The following SYNC variants were observed in gnomAD, a reference collection of about 807,000 sequenced individuals.
SYNC encodes syncoilin, intermediate filament protein.
SYNC carries 38 observed loss-of-function variants against 49.5 expected under a neutral mutation model. The ratio of observed to expected loss-of-function variants is 0.77; its 90% CI spans 0.59 to 1.01. The LOEUF is 1.01. Ranked by LOEUF, SYNC falls within the 50% of genes least tolerant of loss-of-function variation. The probability of loss-of-function intolerance (pLI) is 0.00; values close to 1 mark genes in which losing one functional copy is unlikely to be tolerated. For missense variants in SYNC, 579 were observed against 580.6 expected (o/e 1.00, Z 0.03); for synonymous variants, 201 against 230.8 (o/e 0.87, Z 1.17).
intron 2 of SYNC, among the ~76,000 whole-genome samples, chr1:32,690,450 A>G (rs544619418): frequency 6.7e-6 from 1 of 149,850 alleles, no homozygotes; most frequent in African/African-American, 2.5e-5. Flanking sequence ...TTGGAGACCA[A>G]CCTGGCCAAG....
At chr1:32,696,606 C>T (rs558254375) in intron 1 of SYNC, among the ~76,000 whole-genome samples, 7 of 152,084 alleles carry the variant, frequency 4.6e-5, no homozygotes, top group African/African-American at 7.2e-5. Flanking sequence ...CATACCACCA[C>T]GCCCGGCTAA....
chr1:32,690,648 GAAAAAA>G (rs900204039), intron 2 of SYNC, among the ~76,000 whole-genome samples: 2 of 96,318 alleles, frequency 2.1e-5, no homozygotes, highest in African/African-American at 3.9e-5. Context: ...CATCTCCAAA[GAAAAAA>G]AAAAAAAAAA....
chr1:32,700,221 G>T (rs1294059100), intron 1 of SYNC, among the ~76,000 whole-genome samples: 1 of 152,210 alleles, frequency 6.6e-6, no homozygotes, highest in Non-Finnish European at 1.5e-5. Flanking sequence ...AGCTCCTAGA[G>T]CCAGGGCCAG....
chr1:32,696,002 A>G lies in SYNC; in HGVS notation c.96T>C (p.Ser32=). ...VEANSPLPKN[S]GSLNEAEALN... is the part of the protein sequence containing the mutation. ...AGGCTTCTGCCTCATTTAGGGATCC[A>G]GAGTTCTTTGGAAGAGGAGAATTGG... The change falls in exon 2 of 5, where the codon TCT becomes TCC. Residue 32 remains serine (S), a synonymous_variant. Coordinates refer to ENST00000409190, the MANE Select transcript of SYNC (RefSeq NM_030786.3). 6.5e-7 allele frequency: 1 copy of G among 1,539,928 alleles called. No individual in the cohort carries two copies. The highest frequency in any genetic ancestry group is 1.4e-5 in the African/African-American group (1 of 73,166).
rs1649371538 is a variant in SYNC at position 32,680,541 on chromosome 1, C to A, written c.*1309G>T. ...TTTTTTTTAGGAGTTAGTCCTTGAC[C>A]ACTAGTTTGATGCCATCTCCATTTT... On this transcript the variant is annotated 3_prime_UTR_variant, in exon 5 of 5. Coordinates refer to ENST00000409190, the MANE Select transcript of SYNC (RefSeq NM_030786.3). The A allele has an allele frequency of 1.3e-6, 2 of 1,543,856 alleles. No individual in the cohort carries two copies. Among genetic ancestry groups the A allele is most frequent in the Middle Eastern group, 1.7e-4 (1 of 6,006 alleles).
At chr1:32,688,024 G>A (rs1190701323) in intron 2 of SYNC, among the ~76,000 whole-genome samples, 1 of 151,514 alleles carries the variant, frequency 6.6e-6, no homozygotes, top group African/African-American at 2.4e-5. Context: ...TAGTAGAGAC[G>A]GGGTTTCACC....
chr1:32,684,093 T>G lies in SYNC; in HGVS notation c.1359-4A>C. On this transcript the variant is annotated splice_polypyrimidine_tract_variant and splice_region_variant and intron_variant, in intron 3 of 4. Coordinates refer to ENST00000409190, the MANE Select transcript of SYNC (RefSeq NM_030786.3). Reference sequence around the variant, plus strand: ...GCTCTTGGGTAGTAGCATAGCCCTTTAAAAAGAGAGAGCCATTTTCCATGT... The same window carrying G: ...GCTCTTGGGTAGTAGCATAGCCCTTGAAAAAGAGAGAGCCATTTTCCATGT... The G allele has an allele frequency of 6.2e-7, 1 of 1,609,448 alleles. No homozygotes were observed.
At position 32,681,716 on chromosome 1, in the gene SYNC, C is replaced by T; in HGVS notation, c.*134G>A. On this transcript the variant is annotated 3_prime_UTR_variant, in exon 5 of 5. Coordinates refer to ENST00000409190, the MANE Select transcript of SYNC (RefSeq NM_030786.3). The stretch of plus-strand genomic sequence containing the variant: ...TAAGCAGGTCAGCCAGTATTTGCAA[C>T]TTCCACAGGATGAATTGCTTGCCAA... 2 of 1,464,064 alleles carry T rather than the reference C, an allele frequency of 1.4e-6. No individual in the cohort carries two copies. Among genetic ancestry groups the T allele is most frequent in the Non-Finnish European group, 1.9e-6 (2 of 1,052,740 alleles). 90.7% of individuals were successfully genotyped at this position (1,464,064 alleles called of 1,614,324 possible).
At chr1:32,682,134 T>A in intron 4 of SYNC, 1 of 439,768 alleles carries the variant, frequency 2.3e-6, no homozygotes, top group Non-Finnish European at 4.1e-6. Flanking sequence ...TTAGTCGTTG[T>A]CTTTTCCAGA....
At chr1:32,691,284 A>G (rs1313679201) in intron 2 of SYNC, among the ~76,000 whole-genome samples, 1 of 150,978 alleles carries the variant, frequency 6.6e-6, no homozygotes, top group East Asian at 2.0e-4. Context: ...AGTCCCAGCT[A>G]CTCGGGAGGC....
At chr1:32,688,740 G>A (rs1045274333) in intron 2 of SYNC, among the ~76,000 whole-genome samples, 3 of 151,836 alleles carry the variant, frequency 2.0e-5, no homozygotes, top group East Asian at 1.9e-4. Context: ...GCACCACCAC[G>A]CCCGGCTAAT....
chr1:32,695,769 T>C lies in SYNC; in HGVS notation c.329A>G (p.Glu110Gly), dbSNP rs1303835370. ...TATCCGATCTGGCTCCGTGGTTTCCTCCACACACACTGTCTCCTCTGGATT... is the reference window on the plus strand; with the variant it reads ...TATCCGATCTGGCTCCGTGGTTTCCCCCACACACACTGTCTCCTCTGGATT... The part of the protein sequence containing the change: ...PGNPEETVCV[E>G]ETTEPDRIQF... Residue 110 changes from glutamate to glycine, a missense_variant, in exon 2 of 5, where the codon GAG becomes GGG. By Grantham distance (98) the Glu-to-Gly change is moderately conservative. Transcript: ENST00000409190. 6.4e-7 allele frequency: 1 copy of C among 1,551,670 alleles called. No homozygotes were observed. The highest frequency in any genetic ancestry group is 2.0e-5 in the Admixed American group (1 of 50,958).
intron 2 of SYNC, among the ~76,000 whole-genome samples, chr1:32,687,591 G>A (rs1649917208): frequency 6.6e-6 from 1 of 150,750 alleles, no homozygotes; most frequent in African/African-American, 2.4e-5. Context: ...GAATTGACTT[G>A]AACCCGGGAG....
In SYNC at chr1:32,695,812, G is replaced by T. The variant is rs1414074309; in HGVS notation, c.286C>A (p.His96Asn). The change falls in exon 2 of 5, where the codon CAT becomes AAT. Residue 96 changes from histidine to asparagine, a missense_variant. By Grantham distance (68) the His-to-Asn change is moderately conservative (BLOSUM62 1). Transcript: ENST00000409190. ...EEAMQPDEAL[H>N]VEEPGNPEET... The stretch of plus-strand genomic sequence containing the variant: ...TCTGGATTCCCAGGCTCCTCCACAT[G>T]CAGAGCCTCATCTGGCTGCATGGCC... The T allele has an allele frequency of 3.2e-6, 5 of 1,551,678 alleles. No homozygotes were observed. Among genetic ancestry groups the T allele is most frequent in the African/African-American group, 1.4e-5 (1 of 72,996 alleles).
At chr1:32,683,473 C>T (rs1236631449) in intron 4 of SYNC, 2 of 152,306 alleles carry the variant, frequency 1.3e-5, no homozygotes, top group Non-Finnish European at 2.9e-5. Context: ...ATGCCCAAAG[C>T]CTAGATGCCA....
At chr1:32,682,979 T>C (rs1055994230) in intron 4 of SYNC, 1 of 151,940 alleles carries the variant, frequency 6.6e-6, no homozygotes, top group Non-Finnish European at 1.5e-5. Flanking sequence ...GTTTTGTCAG[T>C]GTCTAAAAGT....
chr1:32,695,790 G>C lies in SYNC; in HGVS notation c.308C>G (p.Pro103Arg), dbSNP rs926775007. Residue 103 changes from proline (P) to arginine (R), a missense_variant, in exon 2 of 5, where the codon CCA becomes CGA. Physicochemically the swap from Pro to Arg is moderately radical, Grantham distance 103. Coordinates refer to ENST00000409190, the MANE Select transcript of SYNC (RefSeq NM_030786.3). ...EALHVEEPGNPEETVCVEETT... is the reference protein window; with the variant it reads ...EALHVEEPGNREETVCVEETT... ...TTCCTCCACACACACTGTCTCCTCT[G>C]GATTCCCAGGCTCCTCCACATGCAG... 6.4e-7 allele frequency: 1 copy of C among 1,551,632 alleles called. No homozygotes were observed. The highest frequency in any genetic ancestry group is 8.7e-7 in the Non-Finnish European group (1 of 1,146,990).
chr1:32,692,151 G>A (rs918937053), intron 2 of SYNC, among the ~76,000 whole-genome samples: 13 of 152,016 alleles, frequency 8.6e-5, no homozygotes, highest in African/African-American at 2.2e-4. Context: ...ACAATGGCGC[G>A]AACCCGGGAG....
At chr1:32,686,902 C>T (rs1184491469) in intron 2 of SYNC, among the ~76,000 whole-genome samples, 1 of 152,160 alleles carries the variant, frequency 6.6e-6, no homozygotes, top group Non-Finnish European at 1.5e-5. Context: ...CTTTTCTGTG[C>T]AACCCCAAAA....
Sources: allele counts gnomAD v4.1 joint callset (sites outside exome capture counted in the v4.1 genomes callset), GRCh38; gene constraint gnomAD v4.1.1; transcripts MANE v1.5; gene names NCBI Gene and HGNC (gene_info 2026-07-23, HGNC 2026-07-21).